The following NIBAN1 variants were observed in gnomAD, a reference collection of about 807,000 sequenced individuals.
The protein encoded by NIBAN1 is protein Niban 1.
In NIBAN1, 81 loss-of-function variants were observed where a neutral mutation model predicts 75.1. That is an observed-to-expected ratio of 1.08 (90% CI 0.90 to 1.30). NIBAN1 has a LOEUF of 1.30. Ranked by LOEUF, NIBAN1 falls within the 50% of genes most tolerant of loss-of-function variation. NIBAN1 has a pLI of 0.00. For synonymous variants in NIBAN1, 436 were observed against 424.8 expected (o/e 1.03, Z -0.32); for missense variants, 1,133 against 1,128.1 (o/e 1.00, Z -0.06).
chr1:184,905,020 C>T (rs1657055281), intron 1 of NIBAN1, among the ~76,000 whole-genome samples: 1 of 152,094 alleles, frequency 6.6e-6, no homozygotes, highest in East Asian at 1.9e-4. Context: ...AAAACAGGAA[C>T]TCTCAGCTCT....
chr1:184,965,038 G>T (rs899279645), intron 1 of NIBAN1, among the ~76,000 whole-genome samples: 1 of 152,136 alleles, frequency 6.6e-6, no homozygotes, highest in Non-Finnish European at 1.5e-5. Context: ...GGCGGCTCAC[G>T]CCTGTAATCC....
intron 7 of NIBAN1, 43 bp from the exon 8 acceptor site, chr1:184,823,372 T>C (rs1654756777): frequency 1.2e-6 from 2 of 1,607,564 alleles, no homozygotes; most frequent in Non-Finnish European, 1.7e-6. Context: ...CTGTCACGTG[T>C]AAGCACTGAT....
chr1:184,950,212 T>C (rs2102062724), intron 1 of NIBAN1, among the ~76,000 whole-genome samples: 1 of 152,146 alleles, frequency 6.6e-6, no homozygotes, highest in Non-Finnish European at 1.5e-5. Context: ...TGAGATAATA[T>C]AATGGTCTCT....
intron 2 of NIBAN1, among the ~76,000 whole-genome samples, chr1:184,897,192 T>A (rs1656821732): frequency 6.6e-6 from 1 of 151,966 alleles, no homozygotes; most frequent in Non-Finnish European, 1.5e-5. Flanking sequence ...GTGTTTCCAT[T>A]AGTTTGTGTT....
intron 1 of NIBAN1, among the ~76,000 whole-genome samples, chr1:184,922,164 G>A (rs1156472635): frequency 6.6e-6 from 1 of 151,762 alleles, no homozygotes; most frequent in East Asian, 1.9e-4. Flanking sequence ...GACATATTTT[G>A]ATAAGGCATA....
At chr1:184,806,202 T>A (rs1440041646) in intron 10 of NIBAN1, 146 bp from the exon 11 acceptor site, 4 of 610,668 alleles carry the variant, frequency 6.6e-6, no homozygotes, top group Non-Finnish European at 1.2e-5. Context: ...CAAGGCAACA[T>A]CACCCCATCA....
chr1:184,870,883 G>C (rs1656089107), intron 5 of NIBAN1, among the ~76,000 whole-genome samples: 1 of 152,166 alleles, frequency 6.6e-6, no homozygotes, highest in Non-Finnish European at 1.5e-5. Context: ...ACCTGTTATA[G>C]ATTGAATTGT....
intron 1 of NIBAN1, among the ~76,000 whole-genome samples, chr1:184,951,417 T>C (rs1658354207): frequency 6.6e-6 from 1 of 152,198 alleles, no homozygotes; most frequent in Non-Finnish European, 1.5e-5. Flanking sequence ...CTTCATTTTC[T>C]CCATCAAATG....
intron 1 of NIBAN1, among the ~76,000 whole-genome samples, chr1:184,916,948 C>T (rs1657400451): frequency 6.6e-6 from 1 of 152,166 alleles, no homozygotes; most frequent in Admixed American, 6.5e-5. Context: ...AGTTGATTCA[C>T]TAACACCAGT....
At chr1:184,867,966 A>G (rs973404237) in intron 5 of NIBAN1, 62 of 985,304 alleles carry the variant, frequency 6.3e-5, no homozygotes, top group Non-Finnish European at 7.1e-5. Context: ...TTCTAGGGAA[A>G]GGTGGGGAAG....
At chr1:184,841,793 T>C (rs1655294709) in intron 5 of NIBAN1, among the ~76,000 whole-genome samples, 1 of 152,222 alleles carries the variant, frequency 6.6e-6, no homozygotes, top group South Asian at 2.1e-4. Flanking sequence ...CCATCTGGGC[T>C]GAGTTACCTT....
intron 1 of NIBAN1, among the ~76,000 whole-genome samples, chr1:184,943,679 C>T (rs1272412594): frequency 2.2e-4 from 33 of 151,926 alleles, no homozygotes; most frequent in Admixed American, 1.9e-3. Context: ...CCCCAAAAAT[C>T]TTAGTACCAA....
In NIBAN1 at chr1:184,879,767, G is replaced by T. The variant is rs113751295; in HGVS notation, c.601+4866C>A. On this transcript the variant is annotated intron_variant, in intron 5 of 13. Coordinates refer to ENST00000367511, the MANE Select transcript of NIBAN1 (RefSeq NM_052966.4). Reference sequence around the variant, plus strand: ...TTTCTGGGGTAAGAGCTTAAGGCATGTAATACTGACAGAGTAACCAATTCC... The same window carrying T: ...TTTCTGGGGTAAGAGCTTAAGGCATTTAATACTGACAGAGTAACCAATTCC... Among the ~76,000 whole-genome samples, 1,488 of 152,294 alleles carry T rather than the reference G, an allele frequency of 9.8e-3. 26 individuals are homozygous for T. Among genetic ancestry groups the T allele is most frequent in the African/African-American group, 0.034 (1,426 of 41,544 alleles).
chr1:184,842,855 C>T (rs1655331919), intron 5 of NIBAN1, among the ~76,000 whole-genome samples: 1 of 151,140 alleles, frequency 6.6e-6, no homozygotes, highest in South Asian at 2.1e-4. Context: ...TGTATTTAAA[C>T]AAGCTCTTCA....
chr1:184,898,208 C>T (rs538539680), intron 2 of NIBAN1, among the ~76,000 whole-genome samples: 1 of 152,316 alleles, frequency 6.6e-6, no homozygotes, highest in East Asian at 1.9e-4. Context: ...ACTTGCTGTT[C>T]CATAGACCTG....
intron 1 of NIBAN1, among the ~76,000 whole-genome samples, chr1:184,914,690 C>A (rs1009039041): frequency 6.7e-6 from 1 of 150,288 alleles, no homozygotes; most frequent in South Asian, 2.1e-4. Flanking sequence ...ATCTCACATA[C>A]TTTTACAAAA....
Position 184,803,648 on chromosome 1 carries a change from T to G in NIBAN1, c.1491A>C (p.Gln497His). ...DSSTIRKKIF[Q>H]EALVQITLPT... ...GAAGTGTGATTTGAACTAGTGCCTC[T>G]TGAAATATCTTCTTTCGGATGGTGC... Residue 497 changes from glutamine (Q) to histidine (H), a missense_variant, in exon 12 of 14, where the codon CAA becomes CAC. Coordinates refer to ENST00000367511, the MANE Select transcript of NIBAN1 (RefSeq NM_052966.4). The G allele has an allele frequency of 1.2e-6, 2 of 1,614,232 alleles. No homozygotes were observed. The highest frequency in any genetic ancestry group is 1.7e-6 in the Non-Finnish European group (2 of 1,180,022).
At chr1:184,920,885 G>A (rs999066765) in intron 1 of NIBAN1, among the ~76,000 whole-genome samples, 3 of 152,122 alleles carry the variant, frequency 2.0e-5, no homozygotes, top group African/African-American at 7.2e-5. Flanking sequence ...TGTAATCCAA[G>A]CACCTTGGAA....
chr1:184,834,869 T>C (rs1347037776), intron 5 of NIBAN1, among the ~76,000 whole-genome samples: 2 of 152,190 alleles, frequency 1.3e-5, no homozygotes, highest in African/African-American at 4.8e-5. Context: ...TTAGGTCCCA[T>C]TTGTCTATTT....
Sources: allele counts gnomAD v4.1 joint callset (sites outside exome capture counted in the v4.1 genomes callset), GRCh38; gene constraint gnomAD v4.1.1; transcripts MANE v1.5; gene names NCBI Gene and HGNC (gene_info 2026-07-23, HGNC 2026-07-21).